Variants in PSME4 observed in about 807,000 individuals in gnomAD.
PSME4 encodes the protein proteasome activator subunit 4.
PSME4 carries 89 observed loss-of-function variants against 253.9 expected under a neutral mutation model. The ratio of observed to expected loss-of-function variants is 0.35; its 90% CI spans 0.30 to 0.42. PSME4 has a LOEUF of 0.42. PSME4 is among the 10% of genes least tolerant of loss of function. PSME4 has a pLI of 1.00. For synonymous variants in PSME4, 851 were observed against 759.2 expected (o/e 1.12, Z -1.99); for missense variants, 2,014 against 2,195.2 (o/e 0.92, Z 1.65).
intron 43 of PSME4, among the ~76,000 whole-genome samples, chr2:53,873,982 G>A (rs975669061): frequency 6.6e-6 from 1 of 152,000 alleles, no homozygotes; most frequent in Non-Finnish European, 1.5e-5. Flanking sequence ...TAATTTTTTT[G>A]AGACAGGGTC....
At position 53,906,664 on chromosome 2, in the gene PSME4, T is replaced by C. The variant is rs1680673899; in HGVS notation, c.2877A>G (p.Glu959=). 1 of 1,602,914 alleles carries C rather than the reference T, an allele frequency of 6.2e-7. No individual in the cohort carries two copies. The highest frequency in any genetic ancestry group is 8.5e-7 in the Non-Finnish European group (1 of 1,175,992). ...TCATATCTTGATGTATCTTTTTGTA[T>C]TCACAACCCTCAACAGTTAGTGTCC... ...ELRTLTVEGC[E]YKKIHQDMIR... is the part of the protein sequence containing the mutation. The change falls in exon 26 of 47, where the codon GAA becomes GAG. Residue 959 remains glutamate, a synonymous_variant. Transcript: ENST00000404125.
rs546901784 is a variant in PSME4 at position 53,877,515 on chromosome 2, A to C, written c.4816-1760T>G. ...CTCAGCTTGAAACTGTTGTTAAAAA[A>C]AATTATTCTGACATTTGATAAATTA... is the stretch of plus-strand genomic sequence containing the variant. On this transcript the variant is annotated intron_variant, in intron 41 of 46. Transcript: ENST00000404125. 1.0e-3 allele frequency among the ~76,000 whole-genome samples: 156 copies of C among 152,348 alleles called. 2 individuals are homozygous for C. Among genetic ancestry groups the C allele is most frequent in the South Asian group, 3.9e-3 (19 of 4,832 alleles).
At chr2:53,969,958 G>A (rs1305388347) in intron 1 of PSME4, among the ~76,000 whole-genome samples, 1 of 152,114 alleles carries the variant, frequency 6.6e-6, no homozygotes, top group Non-Finnish European at 1.5e-5. Context: ...TCAAGAATGA[G>A]GTCTGACTTT....
chr2:53,962,414 CAG>C (rs1445224961), intron 1 of PSME4, among the ~76,000 whole-genome samples: 2 of 145,330 alleles, frequency 1.4e-5, no homozygotes, highest in African/African-American at 5.1e-5. Flanking sequence ...AAAAAAAAAA[CAG>C]TAAAAATTTG....
chr2:53,887,777 G>A, intron 39 of PSME4, 81 bp downstream of exon 39: 1 of 1,413,270 alleles, frequency 7.1e-7, no homozygotes, highest in Non-Finnish European at 9.6e-7. Context: ...AACATAACCA[G>A]CATGTATTAT....
chr2:53,940,940 AATATATATATACATATATATATATAT>A (rs1455176610), intron 3 of PSME4, among the ~76,000 whole-genome samples: 8 of 51,302 alleles, frequency 1.6e-4, no homozygotes, highest in African/African-American at 3.0e-4. Flanking sequence ...TACATATATA[AATATATATATACATATATATATATAT>A]ATATATATAT....
At chr2:53,947,619 C>T (rs805444) in intron 3 of PSME4, among the ~76,000 whole-genome samples, 82,069 of 151,712 alleles carry the variant, frequency 0.54, 22,534 homozygotes, top group East Asian at 0.72. Context: ...GGCAGGAGAA[C>T]GGCATGAACC....
intron 20 of PSME4, among the ~76,000 whole-genome samples, chr2:53,911,097 T>A (rs1024838474): frequency 6.6e-6 from 1 of 152,178 alleles, no homozygotes; most frequent in Admixed American, 6.5e-5. Flanking sequence ...ATCTCTACCT[T>A]AATATTTGAC....
At chr2:53,967,649 C>CAAAAAA (rs71408747) in intron 1 of PSME4, among the ~76,000 whole-genome samples, 1,688 of 21,520 alleles carry the variant, frequency 0.078, 394 homozygotes, top group East Asian at 0.31. Context: ...GAGATTGTCT[C>CAAAAAA]AAAAAAAAAA....
rs1172276931 is a variant in PSME4 at position 53,970,701 on chromosome 2, C to T, written c.84G>A (p.Pro28=). ...RPEPGPRGFV[P]QKEIVYNKLL... ...GCTTGTTGTAGACGATCTCCTTCTG[C>T]GGGACGAAGCCCCGCGGGCCCGGCT... The change falls in exon 1 of 47, where the codon CCG becomes CCA. Residue 28 remains proline, a synonymous_variant. Transcript: ENST00000404125. 6.5e-7 allele frequency: 1 copy of T among 1,549,150 alleles called. No homozygotes were observed. Among genetic ancestry groups the T allele is most frequent in the South Asian group, 1.2e-5 (1 of 84,004 alleles).
At chr2:53,902,123 T>G (rs1680430413) in intron 27 of PSME4, among the ~76,000 whole-genome samples, 1 of 152,138 alleles carries the variant, frequency 6.6e-6, no homozygotes, top group African/African-American at 2.4e-5. Flanking sequence ...AATAAAGAAA[T>G]GGAAGGATGT....
Position 53,944,460 on chromosome 2 carries a change from G to A in PSME4, c.500+3961C>T, listed in dbSNP as rs1042022020. Among the ~76,000 whole-genome samples the A allele has an allele frequency of 7.9e-5, 12 of 152,044 alleles. No homozygotes were observed. The South Asian group carries it at 2.1e-3, about 26-fold the overall frequency. On this transcript the variant is annotated intron_variant, in intron 3 of 46. Coordinates refer to ENST00000404125, the MANE Select transcript of PSME4 (RefSeq NM_014614.3). ...CAGGTGTGGGCTACCATGCCCAGCCGAATTTTGTTAAAATTTTAAATTTCC... is the reference window on the plus strand; with the variant it reads ...CAGGTGTGGGCTACCATGCCCAGCCAAATTTTGTTAAAATTTTAAATTTCC...
chr2:53,923,388 G>T lies in PSME4; in HGVS notation c.1841C>A (p.Thr614Asn), dbSNP rs1558687718. 1.2e-6 allele frequency: 2 copies of T among 1,609,766 alleles called. No homozygotes were observed. Among genetic ancestry groups the T allele is most frequent in the Non-Finnish European group, 1.7e-6 (2 of 1,178,760 alleles). ...TACTCTTGTTTCAAATATATGTGAA[G>T]TAGAAAAATTAAAAACCTTCTGAAG... ...VALQKVFNFSTSHIFETRVAG... is the reference protein window; with the variant it reads ...VALQKVFNFSNSHIFETRVAG... The change falls in exon 15 of 47, where the codon ACT (threonine) becomes AAT (asparagine). Residue 614 changes from threonine to asparagine, a missense_variant. This residue lies in a region of PSME4 where 989 missense variants were observed against 1,021.1 expected (regional missense o/e 0.97). Coordinates refer to ENST00000404125, the MANE Select transcript of PSME4 (RefSeq NM_014614.3).
rs1558653901 is a variant in PSME4, at chr2:53,887,848, C to T, written c.4520+10G>A. ...CTCGAGAGGTACACCACAGAGAAAA[C>T]AGTACCTACCTTCCTATTCTTTCTC... On this transcript the variant is annotated intron_variant, in intron 39 of 46. Coordinates refer to ENST00000404125, the MANE Select transcript of PSME4 (RefSeq NM_014614.3). The T allele has an allele frequency of 6.3e-7, 1 of 1,584,530 alleles. No individual in the cohort carries two copies. Among genetic ancestry groups the T allele is most frequent in the Admixed American group, 1.7e-5 (1 of 58,886 alleles).
chr2:53,874,735 AG>A (rs1198132200), intron 42 of PSME4, among the ~76,000 whole-genome samples: 1 of 152,216 alleles, frequency 6.6e-6, no homozygotes, highest in African/African-American at 2.4e-5. Flanking sequence ...ACCTGAGGTC[AG>A]GAGTTTGAGA....
intron 41 of PSME4, among the ~76,000 whole-genome samples, chr2:53,877,612 C>T (rs958499553): frequency 3.9e-5 from 6 of 152,082 alleles, no homozygotes; most frequent in African/African-American, 1.4e-4. Context: ...GGGATTCCTG[C>T]AAAAGGTAGA....
intron 12 of PSME4, among the ~76,000 whole-genome samples, chr2:53,926,554 G>A (rs1032681857): frequency 2.6e-5 from 4 of 152,128 alleles, no homozygotes; most frequent in East Asian, 3.9e-4. Context: ...GTTGGCACAC[G>A]CCTGTAATCC....
At position 53,897,925 on chromosome 2, in the gene PSME4, C is replaced by A. The variant is rs200270494; in HGVS notation, c.3551G>T (p.Arg1184Leu). Residue 1184 changes from arginine to leucine, a missense_variant, in exon 31 of 47, where the codon CGT becomes CTT. By Grantham distance (102) the Arg-to-Leu change is moderately radical. Around this residue, in one of 4 missense-constraint regions of PSME4, gnomAD observed 989 missense variants for 1,021.1 expected, o/e 0.97. Transcript: ENST00000404125. ...ATTCTCAACAAAAAACCGTATGGCA[C>A]GAAGAGGCAACACTCGGTCATCTCT... ...LLRDDRVLPL[R>L]AIRFFVENLN... is the part of the protein sequence containing the mutation. 6.2e-7 allele frequency: 1 copy of A among 1,613,304 alleles called. No individual in the cohort carries two copies.
intron 1 of PSME4, 82 bp downstream of exon 1, chr2:53,970,461 C>CT: frequency 6.5e-7 from 1 of 1,539,626 alleles, no homozygotes; most frequent in Non-Finnish European, 8.7e-7. Context: ...GGGTCCAGCC[C>CT]TCTGGACAAA....
Sources: allele counts gnomAD v4.1 joint callset (sites outside exome capture counted in the v4.1 genomes callset), GRCh38; gene constraint gnomAD v4.1.1; regional missense constraint gnomAD v4.1.1; transcripts MANE v1.5; gene names NCBI Gene and HGNC (gene_info 2026-07-23, HGNC 2026-07-21).